HOMER1: variants seen among roughly 807,000 people sequenced by gnomAD.
HOMER1 encodes homer protein homolog 1.
HOMER1 carries 3 observed loss-of-function variants against 48.9 expected under a neutral mutation model. The ratio of observed to expected loss-of-function variants is 0.06; its 90% CI spans 0.03 to 0.16. The LOEUF is 0.16. HOMER1 is among the 10% of genes least tolerant of loss of function. HOMER1 has a pLI of 1.00. For synonymous variants in HOMER1, 134 were observed against 146.4 expected (o/e 0.92, Z 0.61); for missense variants, 247 against 411.4 (o/e 0.60, Z 3.46).
intron 1 of HOMER1, among the ~76,000 whole-genome samples, chr5:79,507,278 C>T (rs1580049291): frequency 1.4e-5 from 2 of 147,476 alleles, no homozygotes; most frequent in South Asian, 4.4e-4. Flanking sequence ...TTGCAATACT[C>T]ATTCAGTAAG....
Position 79,409,084 on chromosome 5 carries a change from G to GAAAAAAAGAAA in HOMER1, c.528-7030_528-7029insTTTCTTTTTTT, listed in dbSNP as rs1554057918. 1.2e-4 allele frequency among the ~76,000 whole-genome samples: 13 copies of GAAAAAAAGAAA among 109,562 alleles called. 2 individuals carry two copies. Among genetic ancestry groups the GAAAAAAAGAAA allele is most frequent in the African/African-American group, 5.9e-4 (13 of 22,218 alleles). 71.9% of individuals were successfully genotyped at this position (109,562 alleles called of 152,430 possible). A position where few individuals can be genotyped will look rare whatever the true frequency, so the allele number is the denominator to read the frequency against. On this transcript the variant is annotated intron_variant, in intron 5 of 8. Transcript: ENST00000334082. ...TTGATGAAGCAAGATTTTGTCTTGA[G>GAAAAAAAGAAA]AAAAAAAAAAAAATTGAAGAGCTCC...
At chr5:79,479,083 T>C (rs1468177771) in intron 1 of HOMER1, among the ~76,000 whole-genome samples, 2 of 152,188 alleles carry the variant, frequency 1.3e-5, no homozygotes, top group African/African-American at 2.4e-5. Flanking sequence ...AACTAAATAT[T>C]TGTGACACAG....
chr5:79,473,247 ATGCAGCCC>A (rs543337512), intron 1 of HOMER1, among the ~76,000 whole-genome samples: 644 of 152,360 alleles, frequency 4.2e-3, no homozygotes, highest in Non-Finnish European at 6.8e-3. Flanking sequence ...TGTGGACCAC[ATGCAGCCC>A]AGACAGCTTT....
chr5:79,485,482 T>A (rs764650152), intron 1 of HOMER1, among the ~76,000 whole-genome samples: 1 of 152,192 alleles, frequency 6.6e-6, no homozygotes, highest in Non-Finnish European at 1.5e-5. Context: ...GTGTATTTGT[T>A]CCATTTTTTT....
At chr5:79,424,029 A>G (rs1750175723) in intron 5 of HOMER1, among the ~76,000 whole-genome samples, 1 of 152,098 alleles carries the variant, frequency 6.6e-6, no homozygotes, top group East Asian at 1.9e-4. Flanking sequence ...AACACATTCT[A>G]TAAACTAGTC....
chr5:79,481,681 T>C (rs1751950844), intron 1 of HOMER1, among the ~76,000 whole-genome samples: 1 of 152,148 alleles, frequency 6.6e-6, no homozygotes, highest in African/African-American at 2.4e-5. Context: ...GAAGAGCAAG[T>C]AGAACAATCC....
chr5:79,375,970 T>C lies in HOMER1; in HGVS notation c.*39A>G, dbSNP rs1220211681. 5 of 1,319,036 alleles carry C rather than the reference T, an allele frequency of 3.8e-6. No homozygotes were observed. Among genetic ancestry groups the C allele is most frequent in the East Asian group, 2.4e-5 (1 of 41,890 alleles). The allele number at this position is 1,319,036 out of a possible 1,614,324, so 81.7% of individuals were successfully genotyped here. A position where few individuals can be genotyped will look rare whatever the true frequency, so the allele number is the denominator to read the frequency against. ...TAAACAGTCCTATGAAGAGAGACAG[T>C]GTATCTTTTAATTAATTGGCACTGA... On this transcript the variant is annotated 3_prime_UTR_variant, in exon 9 of 9. Coordinates refer to ENST00000334082, the MANE Select transcript of HOMER1 (RefSeq NM_004272.5).
chr5:79,462,789 T>C (rs913136570), intron 1 of HOMER1, among the ~76,000 whole-genome samples: 1 of 152,212 alleles, frequency 6.6e-6, no homozygotes, highest in Non-Finnish European at 1.5e-5. Flanking sequence ...GTCTATACTT[T>C]CAAAAATATT....
intron 1 of HOMER1, among the ~76,000 whole-genome samples, chr5:79,498,015 G>C (rs867177945): frequency 6.6e-6 from 1 of 152,144 alleles, no homozygotes; most frequent in Non-Finnish European, 1.5e-5. Context: ...TCTGATGCAG[G>C]TTCAAAATTG....
At chr5:79,450,422 G>GT (rs1750998585) in intron 3 of HOMER1, among the ~76,000 whole-genome samples, 2 of 152,140 alleles carry the variant, frequency 1.3e-5, no homozygotes, top group South Asian at 4.1e-4. Flanking sequence ...ATTTAGCCTG[G>GT]TGATGCTTTG....
At chr5:79,489,206 G>C (rs1192102784) in intron 1 of HOMER1, among the ~76,000 whole-genome samples, 1 of 152,152 alleles carries the variant, frequency 6.6e-6, no homozygotes, top group Admixed American at 6.5e-5. Flanking sequence ...ATTCAGGAGA[G>C]AGAGAGATTT....
intron 8 of HOMER1, among the ~76,000 whole-genome samples, chr5:79,387,071 C>CA (rs1749134700): frequency 8.1e-6 from 1 of 124,008 alleles, no homozygotes; most frequent in Non-Finnish European, 1.7e-5. Context: ...TCCTTTCTTT[C>CA]TCTATCTCTC....
Position 79,512,821 on chromosome 5 carries a change from GA to G in HOMER1, c.-48del. 6.2e-7 allele frequency: 1 copy of G among 1,603,958 alleles called. No homozygotes were observed. Among genetic ancestry groups the G allele is most frequent in the Non-Finnish European group, 8.5e-7 (1 of 1,171,258 alleles). On this transcript the variant is annotated 5_prime_UTR_variant, in exon 1 of 9. Transcript: ENST00000334082. ...CTGAAGTTTCAGCTCTTATGCTACG[GA>G]ATAACTTCCAAAGGAATTTCTCCGT...
At chr5:79,512,353 C>T (rs1752966259) in intron 1 of HOMER1, among the ~76,000 whole-genome samples, 1 of 152,196 alleles carries the variant, frequency 6.6e-6, no homozygotes, top group African/African-American at 2.4e-5. Flanking sequence ...GGACTGTTGT[C>T]TAACCACTCA....
intron 1 of HOMER1, among the ~76,000 whole-genome samples, chr5:79,463,596 T>C (rs1025469477): frequency 6.6e-6 from 1 of 152,160 alleles, no homozygotes; most frequent in Non-Finnish European, 1.5e-5. Flanking sequence ...ACTATGCAAA[T>C]GAAAACTGAG....
chr5:79,459,907 T>C (rs141969265), intron 1 of HOMER1, among the ~76,000 whole-genome samples: 3 of 152,080 alleles, frequency 2.0e-5, no homozygotes, highest in African/African-American at 4.8e-5. Context: ...CTTTGAAGAA[T>C]GAGGCTAGAA....
rs1482711018 is a variant in HOMER1, at chr5:79,408,997, G to C, written c.528-6942C>G. The stretch of plus-strand genomic sequence containing the variant: ...CTCAGGAGGCTGAGGCATGAGAACT[G>C]CTTGAACCTAGGAGGCAGAGGTTGC... On this transcript the variant is annotated intron_variant, in intron 5 of 8. Coordinates refer to ENST00000334082, the MANE Select transcript of HOMER1 (RefSeq NM_004272.5). Among the ~76,000 whole-genome samples the C allele has an allele frequency of 2.7e-5, 4 of 149,190 alleles. No individual in the cohort carries two copies. The Admixed American group carries it at 2.7e-4, about 10-fold the overall frequency.
rs144440992 is a variant in HOMER1 at position 79,407,393 on chromosome 5, G to C, written c.528-5338C>G. Among the ~76,000 whole-genome samples the C allele has an allele frequency of 9.3e-4, 141 of 152,266 alleles. 1 individual carries two copies. The highest frequency in any genetic ancestry group is 3.1e-3 in the African/African-American group (127 of 41,560). On this transcript the variant is annotated intron_variant, in intron 5 of 8. Transcript: ENST00000334082. The stretch of plus-strand genomic sequence containing the variant: ...CATACTCAGAGATTAATCTGATCTT[G>C]ATCTTGAATAAATCAAGGAAGTAAG...
intron 8 of HOMER1, among the ~76,000 whole-genome samples, chr5:79,381,294 G>T (rs1185082648): frequency 6.6e-6 from 1 of 152,148 alleles, no homozygotes; most frequent in African/African-American, 2.4e-5. Context: ...GAACACACTC[G>T]GAATCAAAGC....
Sources: gnomAD v4.1 joint callset for allele counts (sites outside exome capture counted in the v4.1 genomes callset) on GRCh38, gnomAD v4.1.1 for gene constraint, MANE v1.5 for transcripts, NCBI Gene and HGNC (gene_info 2026-07-23, HGNC 2026-07-21) for gene names.